Variants in SLC41A2 observed in about 807,000 individuals in gnomAD.
The protein encoded by SLC41A2 is SLC41A1-like 1.
A neutral mutation model predicts 58.3 loss-of-function variants in SLC41A2; 32 were observed. The observed-to-expected ratio is 0.55, with a 90% CI of 0.41 to 0.74. The LOEUF (loss-of-function observed/expected upper bound fraction) is 0.74, where lower values mean the gene tolerates loss of function less well. SLC41A2 is among the 30% of genes least tolerant of loss of function. The probability of loss-of-function intolerance (pLI) is 0.00; values close to 1 mark genes in which losing one functional copy is unlikely to be tolerated. For missense variants in SLC41A2, 514 were observed against 680.6 expected, an observed-to-expected ratio of 0.76 and a Z score of 2.72; for synonymous variants, 190 against 235.0, an observed-to-expected ratio of 0.81 and a Z score of 1.75.
At position 104,892,328 on chromosome 12, in the gene SLC41A2, A is replaced by AAAAAAAAAAAC. The variant is rs1272873332; in HGVS notation, c.735+2945_735+2946insGTTTTTTTTTT. Among the ~76,000 whole-genome samples, 22 of 126,914 alleles carry AAAAAAAAAAAC rather than the reference A, an allele frequency of 1.7e-4. 2 individuals carry two copies. Among genetic ancestry groups the AAAAAAAAAAAC allele is most frequent in the East Asian group, 1.7e-3 (5 of 2,906 alleles). The allele number at this position is 126,914 out of a possible 152,430, so 83.3% of individuals were successfully genotyped here. A position where few individuals can be genotyped will look rare whatever the true frequency, so the allele number is the denominator to read the frequency against. On this transcript the variant is annotated intron_variant, in intron 4 of 10. Coordinates refer to ENST00000258538, the MANE Select transcript of SLC41A2 (RefSeq NM_001352171.3). ...AAATAAAATAAAATAAAATAAAATA[A>AAAAAAAAAAAC]AATAAAATATTGATGCAAGAAATTG... is the stretch of plus-strand genomic sequence containing the variant.
intron 2 of SLC41A2, among the ~76,000 whole-genome samples, chr12:104,918,998 T>C (rs1052211768): frequency 6.6e-6 from 1 of 152,140 alleles, no homozygotes; most frequent in African/African-American, 2.4e-5. Context: ...TAGAGCCATT[T>C]CTCTCCACTA....
At chr12:104,904,534 T>C (rs7967503) in intron 3 of SLC41A2, among the ~76,000 whole-genome samples, 107,785 of 151,902 alleles carry the variant, frequency 0.71, 38,872 homozygotes, top group African/African-American at 0.84. Flanking sequence ...AGACTGTGTC[T>C]GGAATTGGTG....
chr12:104,906,350 G>A (rs1490779154), intron 3 of SLC41A2, among the ~76,000 whole-genome samples: 1 of 152,170 alleles, frequency 6.6e-6, no homozygotes, highest in Non-Finnish European at 1.5e-5. Flanking sequence ...CCCCAGGAAC[G>A]CCAAGGGGTG....
At chr12:104,817,230 A>T (rs1357120260) in intron 10 of SLC41A2, among the ~76,000 whole-genome samples, 3 of 152,236 alleles carry the variant, frequency 2.0e-5, no homozygotes, top group Non-Finnish European at 4.4e-5. Context: ...AAGATAAAAA[A>T]TGGTACACTT....
At chr12:104,853,915 T>TATTATTATTC (rs1565842625) in intron 8 of SLC41A2, among the ~76,000 whole-genome samples, 8 of 125,026 alleles carry the variant, frequency 6.4e-5, no homozygotes, top group African/African-American at 2.2e-4. Context: ...TGGCTGATTT[T>TATTATTATTC]TTTTTTTTTT....
intron 10 of SLC41A2, among the ~76,000 whole-genome samples, chr12:104,828,350 C>CA (rs1178152496): frequency 6.6e-6 from 1 of 152,234 alleles, no homozygotes; most frequent in Non-Finnish European, 1.5e-5. Flanking sequence ...ACCTTGCACT[C>CA]ATTCTCTAAG....
intron 6 of SLC41A2, among the ~76,000 whole-genome samples, chr12:104,878,686 C>T (rs1009673641): frequency 2.6e-5 from 4 of 152,048 alleles, no homozygotes; most frequent in Non-Finnish European, 4.4e-5. Flanking sequence ...TGTATATGTG[C>T]CATATTTTCT....
intron 4 of SLC41A2, among the ~76,000 whole-genome samples, chr12:104,892,284 A>T: frequency 6.7e-6 from 1 of 148,838 alleles, no homozygotes; most frequent in African/African-American, 2.6e-5. Context: ...CAACAGAACA[A>T]GACCTCATCT....
rs376999577 is a variant in SLC41A2, at chr12:104,870,594, C to T, written c.1028-4015G>A. Among the ~76,000 whole-genome samples, 19 of 152,172 alleles carry T rather than the reference C, an allele frequency of 1.2e-4. No individual in the cohort carries two copies. The East Asian group carries it at 2.1e-3, about 17-fold the overall frequency. ...CTGACTCTGTGATATAGGCAAACTA[C>T]GGAAAAGTAAAGATTAACACAGCTA... On this transcript the variant is annotated intron_variant, in intron 6 of 10. Coordinates refer to ENST00000258538, the MANE Select transcript of SLC41A2 (RefSeq NM_001352171.3).
intron 10 of SLC41A2, among the ~76,000 whole-genome samples, chr12:104,824,247 A>AC (rs1300205895): frequency 8.0e-5 from 12 of 149,748 alleles, no homozygotes; most frequent in South Asian, 4.4e-4. Flanking sequence ...GTGCCTATAA[A>AC]CCCCCCCGAG....
At chr12:104,904,631 G>C (rs568253447) in intron 3 of SLC41A2, among the ~76,000 whole-genome samples, 2 of 152,110 alleles carry the variant, frequency 1.3e-5, no homozygotes, top group Admixed American at 1.3e-4. Context: ...TCTGGAGTCT[G>C]TCCCTTCTGA....
intron 10 of SLC41A2, among the ~76,000 whole-genome samples, chr12:104,817,894 C>T (rs1041067605): frequency 6.6e-6 from 1 of 151,816 alleles, no homozygotes; most frequent in Non-Finnish European, 1.5e-5. Flanking sequence ...TCATAGGATG[C>T]AATCATATAT....
At chr12:104,889,260 A>C (rs1270848160) in intron 4 of SLC41A2, 83 bp from the exon 5 acceptor site, 2 of 1,294,650 alleles carry the variant, frequency 1.5e-6, no homozygotes, top group Non-Finnish European at 2.1e-6. Flanking sequence ...TATTACTACA[A>C]AAAGTCAAAA....
intron 3 of SLC41A2, among the ~76,000 whole-genome samples, chr12:104,899,185 G>C (rs776216792): frequency 1.5e-4 from 23 of 152,012 alleles, no homozygotes; most frequent in Middle Eastern, 6.8e-3. Context: ...AAACATATTT[G>C]TCTTTATTTG....
At chr12:104,932,624 C>CAAAAAGAAAAAAAAAA (rs2047100702) in intron 1 of SLC41A2, among the ~76,000 whole-genome samples, 1 of 46,068 alleles carries the variant, frequency 2.2e-5, no homozygotes, top group Non-Finnish European at 4.2e-5. Context: ...GACTTTGTCT[C>CAAAAAGAAAAAAAAAA]AAAAAAAAAA....
intron 1 of SLC41A2, among the ~76,000 whole-genome samples, chr12:104,941,509 T>C (rs552932248): frequency 6.6e-6 from 1 of 152,214 alleles, no homozygotes; most frequent in African/African-American, 2.4e-5. Flanking sequence ...CAAAAAAAGT[T>C]AATATAAATT....
At chr12:104,925,018 G>A (rs1298109534) in intron 2 of SLC41A2, among the ~76,000 whole-genome samples, 1 of 152,058 alleles carries the variant, frequency 6.6e-6, no homozygotes, top group South Asian at 2.1e-4. Context: ...GCAAAGAGGT[G>A]CTTACCAGAA....
intron 4 of SLC41A2, among the ~76,000 whole-genome samples, 175 bp from the exon 5 acceptor site, chr12:104,889,352 G>T (rs556506265): frequency 2.6e-5 from 4 of 152,098 alleles, no homozygotes; most frequent in Non-Finnish European, 5.9e-5. Flanking sequence ...CTAAGATGGT[G>T]GGTTCTCAAA....
chr12:104,910,591 C>T (rs2046041315), intron 2 of SLC41A2, among the ~76,000 whole-genome samples: 1 of 152,142 alleles, frequency 6.6e-6, no homozygotes. Context: ...CTAGCTTAGG[C>T]CATAATGGGA....
Sources: gnomAD v4.1 joint callset for allele counts (sites outside exome capture counted in the v4.1 genomes callset) on GRCh38, gnomAD v4.1.1 for gene constraint, MANE v1.5 for transcripts, NCBI Gene and HGNC (gene_info 2026-07-23, HGNC 2026-07-21) for gene names.